Variants in HK1 observed in about 807,000 individuals in gnomAD.
HK1 encodes the protein hexokinase 1, also known as hexokinase-1.
Under a neutral mutation model 91.6 loss-of-function variants are expected in HK1, and 28 were observed. The ratio of observed to expected loss-of-function variants is 0.31; its 90% confidence interval spans 0.23 to 0.42. The LOEUF (loss-of-function observed/expected upper bound fraction) is 0.42, where lower values mean the gene tolerates loss of function less well. Ranked by LOEUF, HK1 falls within the 10% of genes least tolerant of loss-of-function variation. The pLI, the probability that HK1 is intolerant of heterozygous loss-of-function variation, is 1.00. For synonymous variants in HK1, 430 were observed against 468.1 expected (o/e 0.92, Z 1.05); for missense variants, 770 against 1,219.8 (o/e 0.63, Z 5.49).
intron 3 of HK1, among the ~76,000 whole-genome samples, chr10:69,363,338 T>G (rs966355483): frequency 4.6e-5 from 7 of 152,244 alleles, no homozygotes; most frequent in African/African-American, 1.7e-4. Flanking sequence ...TTAGTTCTAC[T>G]AACCACTCTT....
intron 1 of HK1, among the ~76,000 whole-genome samples, chr10:69,319,876 C>A (rs1241098382): frequency 6.6e-6 from 1 of 152,184 alleles, no homozygotes; most frequent in Non-Finnish European, 1.5e-5. Flanking sequence ...ACAGCCTAAG[C>A]TGTAGGGAAA....
chr10:69,276,029 G>T (rs1844418686), intron 1 of HK1, among the ~76,000 whole-genome samples: 3 of 139,406 alleles, frequency 2.2e-5, no homozygotes, highest in African/African-American at 5.4e-5. Context: ...GGCAGAGGTT[G>T]CAGTGAGCCA....
intron 2 of HK1, among the ~76,000 whole-genome samples, chr10:69,283,334 GT>G (rs531029639): frequency 2.7e-4 from 40 of 148,872 alleles, no homozygotes; most frequent in African/African-American, 9.4e-4. Flanking sequence ...CATGCCTGTG[GT>G]CCCAGCTACT....
chr10:69,320,473 C>T (rs1052162999), intron 1 of HK1, among the ~76,000 whole-genome samples: 3 of 152,146 alleles, frequency 2.0e-5, no homozygotes, highest in Admixed American at 1.3e-4. Context: ...CTGGAGCTTC[C>T]CTCTGGCCAC....
At chr10:69,274,830 C>A (rs1844352603) in intron 1 of HK1, among the ~76,000 whole-genome samples, 1 of 152,064 alleles carries the variant, frequency 6.6e-6, no homozygotes, top group Non-Finnish European at 1.5e-5. Context: ...CTCTGTCTAG[C>A]CAGCTCACAT....
At chr10:69,302,829 G>T (rs1845946108) in intron 5 of HK1, among the ~76,000 whole-genome samples, 2 of 151,990 alleles carry the variant, frequency 1.3e-5, no homozygotes, top group South Asian at 4.1e-4. Context: ...ACATTTACAG[G>T]TAGAATTCTT....
intron 9 of HK1, among the ~76,000 whole-genome samples, chr10:69,381,856 C>T (rs934137265): frequency 1.3e-5 from 2 of 152,152 alleles, no homozygotes; most frequent in African/African-American, 2.4e-5. Context: ...GCACTTGGCC[C>T]CATCTGACTT....
intron 14 of HK1, among the ~76,000 whole-genome samples, chr10:69,391,384 G>A (rs1281638646): frequency 1.3e-5 from 2 of 152,260 alleles, no homozygotes; most frequent in African/African-American, 2.4e-5. Flanking sequence ...GCCCACGCCT[G>A]TAATCCCAGC....
At chr10:69,386,485 CT>C (rs1257690127) in intron 13 of HK1, 67 bp downstream of exon 13, 2 of 1,320,570 alleles carry the variant, frequency 1.5e-6, no homozygotes, top group Non-Finnish European at 2.1e-6. Flanking sequence ...GTGTATTTGC[CT>C]GTTGTAAAGA....
At position 69,369,683 on chromosome 10, in the gene HK1, G is replaced by A. The variant is rs763719732; in HGVS notation, c.875+59G>A. The A allele has an allele frequency of 3.8e-4, 560 of 1,471,908 alleles. 1 individual carries two copies. The highest frequency in any genetic ancestry group is 4.8e-4 in the Non-Finnish European group (513 of 1,064,082). 91.2% of individuals were successfully genotyped at this position (1,471,908 alleles called of 1,614,324 possible). On this transcript the variant is annotated intron_variant, in intron 7 of 17. Transcript: ENST00000359426. The surrounding 1 kb of genome is among the most constrained non-coding windows in gnomAD (Gnocchi z 4.4). ...GTGAGTTAGGGGACATTTGATGAAA[G>A]ATTTGGGATGGGAGATGAAAAGGGC...
At chr10:69,309,185 CTTT>C (rs779001663) in intron 5 of HK1, among the ~76,000 whole-genome samples, 4 of 141,222 alleles carry the variant, frequency 2.8e-5, no homozygotes, top group Admixed American at 7.1e-5. Context: ...TTCTTTCTTT[CTTT>C]TTTTTTTTTT....
intron 4 of HK1, among the ~76,000 whole-genome samples, chr10:69,297,895 CAA>C (rs369327516): frequency 9.2e-5 from 10 of 108,418 alleles, no homozygotes; most frequent in Admixed American, 9.7e-5. Flanking sequence ...AACTCTGTCT[CAA>C]AAAAAAAAAA....
chr10:69,357,641 CAG>C (rs1018374582), intron 2 of HK1, among the ~76,000 whole-genome samples: 13 of 152,044 alleles, frequency 8.6e-5, no homozygotes, highest in Admixed American at 2.0e-4. Flanking sequence ...TTGGTAGAGA[CAG>C]GGGCTCGCCA....
intron 1 of HK1, among the ~76,000 whole-genome samples, chr10:69,319,502 C>T (rs1846882967): frequency 1.3e-5 from 2 of 152,264 alleles, no homozygotes; most frequent in African/African-American, 4.8e-5. Context: ...CGGGCTCTCC[C>T]AGTTGTTTGA....
upstream of HK1, among the ~76,000 whole-genome samples, chr10:69,317,779 C>G (rs1332013972): frequency 6.6e-6 from 1 of 152,188 alleles, no homozygotes; most frequent in African/African-American, 2.4e-5. Flanking sequence ...ACCTGTCTAA[C>G]CAGAATAGCA....
At position 69,392,139 on chromosome 10, in the gene HK1, G is replaced by T. The variant is rs1458486438; in HGVS notation, c.2050G>T (p.Ala684Ser). The change falls in exon 15 of 18, where the codon GCC (alanine) becomes TCC (serine). Residue 684 changes from alanine to serine, a missense_variant. Transcript: ENST00000359426. ...VGLIVGTGSN[A>S]CYMEEMKNVE... The stretch of plus-strand genomic sequence containing the variant: ...GTGTGTTCCAGGGACCGGCAGCAAT[G>T]CCTGCTACATGGAGGAGATGAAGAA... 3 of 1,614,206 alleles carry T rather than the reference G, an allele frequency of 1.9e-6. No homozygotes were observed. The South Asian group carries it at 3.3e-5, about 18-fold the overall frequency.
chr10:69,374,800 A>G (rs1475395559), intron 7 of HK1, among the ~76,000 whole-genome samples: 1 of 152,258 alleles, frequency 6.6e-6, no homozygotes, highest in Non-Finnish European at 1.5e-5. Context: ...AGTGAAAAGC[A>G]GCGGGCAGAG....
intron 2 of HK1, among the ~76,000 whole-genome samples, chr10:69,359,599 G>A (rs578103875): frequency 8.5e-5 from 13 of 152,322 alleles, no homozygotes; most frequent in African/African-American, 1.9e-4. Context: ...AGAGAAACAT[G>A]GGGTGGGAAT....
chr10:69,336,671 G>A (rs545239350), intron 1 of HK1, among the ~76,000 whole-genome samples: 17 of 109,294 alleles, frequency 1.6e-4, no homozygotes, highest in Admixed American at 2.4e-4. Context: ...ATGGATTCTC[G>A]CCTTGTTGCC....
Sources: gnomAD v4.1 joint callset for allele counts (sites outside exome capture counted in the v4.1 genomes callset) on GRCh38, gnomAD v4.1.1 for gene constraint, Gnocchi (gnomAD v3.1) non-coding constraint, MANE v1.5 for transcripts, NCBI Gene and HGNC (gene_info 2026-07-23, HGNC 2026-07-21) for gene names.